Variants in EYS observed in about 807,000 individuals in gnomAD.
EYS encodes the protein protein eyes shut homolog.
A neutral mutation model predicts 282.1 loss-of-function variants in EYS; 250 were observed. The observed-to-expected ratio is 0.89, with a 90% CI of 0.80 to 0.98. The LOEUF is 0.98. Among genes scored for constraint, EYS ranks in the 50% least tolerant of loss-of-function variants. The probability of loss-of-function intolerance (pLI) is 0.00; values close to 1 mark genes in which losing one functional copy is unlikely to be tolerated. For missense variants in EYS, 4,016 were observed against 3,709.0 expected, an observed-to-expected ratio of 1.08 and a Z score of -2.15; for synonymous variants, 1,355 against 1,282.9, an observed-to-expected ratio of 1.06 and a Z score of -1.20.
intron 15 of EYS, among the ~76,000 whole-genome samples, chr6:64,937,077 C>T (rs1333495853): frequency 6.6e-6 from 1 of 151,370 alleles, no homozygotes; most frequent in African/African-American, 2.4e-5. Context: ...TATCCTGAGA[C>T]AACTGGATAT....
chr6:65,233,319 A>T (rs1766838057), intron 12 of EYS, among the ~76,000 whole-genome samples: 1 of 152,030 alleles, frequency 6.6e-6, no homozygotes, highest in Non-Finnish European at 1.5e-5. Flanking sequence ...CCACCCCTCC[A>T]TCTGGCAGTG....
At chr6:64,300,730 C>T (rs1008325727) in intron 30 of EYS, among the ~76,000 whole-genome samples, 2 of 152,186 alleles carry the variant, frequency 1.3e-5, no homozygotes, top group African/African-American at 2.4e-5. Flanking sequence ...TCAACAGGGC[C>T]TTCCCTCCAC....
intron 2 of EYS, among the ~76,000 whole-genome samples, chr6:65,558,752 T>C (rs78860961): frequency 0.019 from 2,856 of 152,312 alleles, 90 homozygotes; most frequent in African/African-American, 0.066. Context: ...CACTGTCATG[T>C]CATTTATTCT....
chr6:65,611,226 G>C (rs1424567869), intron 2 of EYS, among the ~76,000 whole-genome samples: 2 of 149,762 alleles, frequency 1.3e-5, no homozygotes, highest in East Asian at 2.0e-4. Flanking sequence ...CTTGGTATAT[G>C]CATGTCTTCT....
chr6:65,608,307 G>T (rs1765873197), intron 2 of EYS, among the ~76,000 whole-genome samples: 1 of 151,972 alleles, frequency 6.6e-6, no homozygotes, highest in South Asian at 2.1e-4. Context: ...ACAGGAAAAG[G>T]TATGGTAAAA....
chr6:65,213,725 C>A (rs1766236097), intron 12 of EYS, among the ~76,000 whole-genome samples: 1 of 152,110 alleles, frequency 6.6e-6, no homozygotes, highest in Non-Finnish European at 1.5e-5. Context: ...TCTCCTCAGG[C>A]CTATTCTATG....
chr6:64,453,577 A>C (rs908211941), intron 26 of EYS, among the ~76,000 whole-genome samples: 1 of 152,182 alleles, frequency 6.6e-6, no homozygotes, highest in Non-Finnish European at 1.5e-5. Context: ...CTGCGGCACT[A>C]TTCACAATAG....
chr6:65,419,912 C>T (rs985588953), intron 5 of EYS, among the ~76,000 whole-genome samples: 7 of 151,938 alleles, frequency 4.6e-5, no homozygotes, highest in Non-Finnish European at 8.8e-5. Context: ...ATATTATAAT[C>T]TATTAAGTGT....
At chr6:64,968,359 T>C (rs116046761) in intron 14 of EYS, among the ~76,000 whole-genome samples, 3,527 of 152,272 alleles carry the variant, frequency 0.023, 156 homozygotes, top group African/African-American at 0.08. Context: ...TTTTCAAAAC[T>C]TGTTTAAAAA....
chr6:65,617,116 T>C (rs1766229204), intron 2 of EYS, among the ~76,000 whole-genome samples: 1 of 152,208 alleles, frequency 6.6e-6, no homozygotes, highest in South Asian at 2.1e-4. Context: ...TTTTAAATAA[T>C]TTAATGTGCT....
chr6:63,878,274 G>A (rs1438229906), intron 35 of EYS, among the ~76,000 whole-genome samples: 6 of 152,172 alleles, frequency 3.9e-5, no homozygotes, highest in South Asian at 2.1e-4. Flanking sequence ...TATCACCAGT[G>A]GAGGCTGCAG....
At chr6:65,020,117 A>G (rs1260561887) in intron 13 of EYS, among the ~76,000 whole-genome samples, 1 of 152,042 alleles carries the variant, frequency 6.6e-6, no homozygotes, top group Non-Finnish European at 1.5e-5. Flanking sequence ...ATGTCATTCT[A>G]CCCTGGCCCC....
intron 11 of EYS, among the ~76,000 whole-genome samples, chr6:65,301,495 T>C (rs1238090177): frequency 6.6e-6 from 1 of 152,172 alleles, no homozygotes; most frequent in African/African-American, 2.4e-5. Flanking sequence ...TTTCTGCTAG[T>C]GCTGCTGCTG....
intron 31 of EYS, among the ~76,000 whole-genome samples, chr6:64,181,212 T>C (rs960634260): frequency 6.6e-6 from 1 of 152,182 alleles, no homozygotes; most frequent in African/African-American, 2.4e-5. Flanking sequence ...TACTCTATGA[T>C]ACAGACAACA....
intron 39 of EYS, among the ~76,000 whole-genome samples, chr6:63,779,816 T>C (rs1770166197): frequency 6.6e-6 from 1 of 152,014 alleles, no homozygotes; most frequent in African/African-American, 2.4e-5. Context: ...TGTTATACTG[T>C]ATACATGTGC....
chr6:64,528,330 T>C (rs1189257808), intron 26 of EYS, among the ~76,000 whole-genome samples: 2 of 151,832 alleles, frequency 1.3e-5, no homozygotes, highest in African/African-American at 4.8e-5. Flanking sequence ...CATGTTCCTT[T>C]ATCTCCTTTT....
At chr6:65,207,116 C>T (rs766937185) in intron 12 of EYS, among the ~76,000 whole-genome samples, 2 of 151,738 alleles carry the variant, frequency 1.3e-5, no homozygotes, top group South Asian at 4.2e-4. Flanking sequence ...GGTTTTATAA[C>T]TAGAACCCCC....
intron 31 of EYS, among the ~76,000 whole-genome samples, chr6:64,192,369 A>C (rs994240709): frequency 6.6e-6 from 1 of 152,116 alleles, no homozygotes; most frequent in Non-Finnish European, 1.5e-5. Flanking sequence ...TTTTGTTGCC[A>C]TTGCTTTTGG....
At chr6:63,880,699 AC>A (rs1229706370) in intron 35 of EYS, among the ~76,000 whole-genome samples, 2 of 151,916 alleles carry the variant, frequency 1.3e-5, no homozygotes, top group Non-Finnish European at 2.9e-5. Flanking sequence ...GCTTCCTCCT[AC>A]CCCCTTTCTC....
Sources: gnomAD v4.1 joint callset for allele counts (sites outside exome capture counted in the v4.1 genomes callset) on GRCh38, gnomAD v4.1.1 for gene constraint, MANE v1.5 for transcripts, NCBI Gene and HGNC (gene_info 2026-07-23, HGNC 2026-07-21) for gene names.